The following FRYL variants were observed in gnomAD, a reference collection of about 807,000 sequenced individuals.
The protein encoded by FRYL is FRY like transcription coactivator, also known as protein furry homolog-like.
In FRYL, 150 loss-of-function variants were observed where a neutral mutation model predicts 351.2. That is an observed-to-expected ratio of 0.43 (90% CI 0.37 to 0.49). The LOEUF is 0.49. Ranked by LOEUF, FRYL falls within the 20% of genes least tolerant of loss-of-function variation. The pLI is 0.00. For missense variants in FRYL, 3,036 were observed against 3,619.3 expected (o/e 0.84, Z 4.13); for synonymous variants, 1,153 against 1,257.1 (o/e 0.92, Z 1.75).
At chr4:48,650,230 A>G (rs1482221904) in intron 3 of FRYL, among the ~76,000 whole-genome samples, 1 of 152,190 alleles carries the variant, frequency 6.6e-6, no homozygotes, top group Non-Finnish European at 1.5e-5. Context: ...CAAATTATAA[A>G]AGGGGTCATA....
At chr4:48,544,055 T>G in intron 43 of FRYL, 58 bp from the exon 44 acceptor site, 2 of 1,443,464 alleles carry the variant, frequency 1.4e-6, no homozygotes, top group Non-Finnish European at 1.9e-6. Flanking sequence ...CTAATGGGGT[T>G]ATAATCAGAA....
intron 2 of FRYL, among the ~76,000 whole-genome samples, chr4:48,691,336 A>G (rs1765657364): frequency 6.6e-6 from 1 of 152,204 alleles, no homozygotes; most frequent in Non-Finnish European, 1.5e-5. Context: ...AAGAACAAAA[A>G]GGACCAGTTG....
chr4:48,545,138 A>G (rs1731056189), intron 42 of FRYL, among the ~76,000 whole-genome samples: 1 of 152,212 alleles, frequency 6.6e-6, no homozygotes, highest in South Asian at 2.1e-4. Flanking sequence ...GTAGTAGAAA[A>G]AGATGCCAAA....
chr4:48,666,211 C>A (rs1048906450), intron 3 of FRYL, among the ~76,000 whole-genome samples: 2 of 151,774 alleles, frequency 1.3e-5, no homozygotes, highest in African/African-American at 4.8e-5. Context: ...AAATAAAAAA[C>A]CAAAAATTAG....
intron 3 of FRYL, among the ~76,000 whole-genome samples, chr4:48,657,052 T>C (rs923826464): frequency 1.3e-5 from 2 of 152,200 alleles, no homozygotes; most frequent in African/African-American, 4.8e-5. Context: ...ACTTTTATCA[T>C]CCAGTTTAGC....
rs767805470 is a variant in FRYL at position 48,718,254 on chromosome 4, T to A, written c.-383-7556A>T. On this transcript the variant is annotated intron_variant, in intron 1 of 63. Coordinates refer to ENST00000358350, the MANE Select transcript of FRYL (RefSeq NM_015030.2). ...AAAAATGAGTGCAAAAACAAAATGC[T>A]TTGTCTCTAAACATTAAATCATGTA... Among the ~76,000 whole-genome samples the A allele has an allele frequency of 1.3e-5, 2 of 151,660 alleles. 1 individual carries two copies. Among genetic ancestry groups the A allele is most frequent in the Non-Finnish European group, 2.9e-5 (2 of 67,872 alleles).
In FRYL at chr4:48,693,783, T is replaced by A. The variant is rs1765879945; in HGVS notation, c.-203-8988A>T. 5.3e-5 allele frequency among the ~76,000 whole-genome samples: 8 copies of A among 152,334 alleles called. No individual in the cohort carries two copies. The South Asian group carries it at 1.7e-3, about 32-fold the overall frequency. On this transcript the variant is annotated intron_variant, in intron 2 of 63. Transcript: ENST00000358350. The stretch of plus-strand genomic sequence containing the variant: ...CCATGGCTTCAGCATACCATGCTGA[T>A]TCTCCAAAACAATATTAGTATTTAT...
intron 7 of FRYL, 34 bp from the exon 8 acceptor site, chr4:48,609,857 A>G: frequency 8.3e-7 from 1 of 1,207,738 alleles, no homozygotes; most frequent in Non-Finnish European, 1.2e-6. Flanking sequence ...GTAAGAGTTA[A>G]ATTATTGGTT....
chr4:48,551,134 C>T (rs1477800133), intron 37 of FRYL, among the ~76,000 whole-genome samples: 1 of 151,802 alleles, frequency 6.6e-6, no homozygotes, highest in African/African-American at 2.4e-5. Context: ...ACATTAATTT[C>T]CACCTTATAA....
Position 48,499,499 on chromosome 4 carries a change from A to C in FRYL, c.8965T>G (p.Ser2989Ala). The C allele has an allele frequency of 6.2e-7, 1 of 1,613,582 alleles. No individual in the cohort carries two copies. Among genetic ancestry groups the C allele is most frequent in the African/African-American group, 1.3e-5 (1 of 74,908 alleles). ...TGGTATGATTGCACCATGCGTAGAGACTCTCTTATTTCCAGATTAAGTTCC... is the reference window on the plus strand; with the variant it reads ...TGGTATGATTGCACCATGCGTAGAGCCTCTCTTATTTCCAGATTAAGTTCC... ...LMELNLEIRE[S>A]LRMVQSYQLL... Residue 2989 changes from serine (S) to alanine (A), a missense_variant, in exon 64 of 64, where the codon TCT becomes GCT. Around this residue, in one of 7 missense-constraint regions of FRYL, gnomAD observed 1,987 missense variants for 2,311.7 expected, o/e 0.86. Transcript: ENST00000358350.
In FRYL at chr4:48,620,791, G is replaced by C; in HGVS notation, c.175-13C>G. The C allele has an allele frequency of 2.5e-6, 4 of 1,603,074 alleles. No individual in the cohort carries two copies. Among genetic ancestry groups the C allele is most frequent in the Non-Finnish European group, 3.4e-6 (4 of 1,172,028 alleles). On this transcript the variant is annotated splice_polypyrimidine_tract_variant and intron_variant, in intron 5 of 63. Transcript: ENST00000358350. ...TAGAGCTTATCAACTGAAAACACAA[G>C]ATATTACCAGAAAATAAATTGTAAC...
chr4:48,706,187 TC>T lies in FRYL; in HGVS notation c.-204+4331del, dbSNP rs1395667301. 1.7e-4 allele frequency among the ~76,000 whole-genome samples: 26 copies of T among 152,316 alleles called. 1 individual carries two copies. The highest frequency in any genetic ancestry group is 6.3e-4 in the African/African-American group (26 of 41,572). ...AAAGACTTGATTCTAGGAATAGAAT[TC>T]AGCTGAATACCTTGTTCCTAGCATC... On this transcript the variant is annotated intron_variant, in intron 2 of 63. Transcript: ENST00000358350.
At chr4:48,571,946 A>G in intron 26 of FRYL, 10 of 985,332 alleles carry the variant, frequency 1.0e-5, no homozygotes, top group Non-Finnish European at 1.2e-5. Context: ...TCAATCTCAC[A>G]TTTCTCTAAC....
chr4:48,503,589 CGAG>C (rs1469555979), intron 60 of FRYL, among the ~76,000 whole-genome samples: 1 of 152,176 alleles, frequency 6.6e-6, no homozygotes, highest in African/African-American at 2.4e-5. Flanking sequence ...TGGTCTCTTA[CGAG>C]GAGAATGACT....
rs143946703 is a variant in FRYL at position 48,590,904 on chromosome 4, A to G, written c.1336-74T>C. On this transcript the variant is annotated intron_variant, in intron 16 of 63. Coordinates refer to ENST00000358350, the MANE Select transcript of FRYL (RefSeq NM_015030.2). ...CTTTTTTGCATGTTAGAAATATTTCATCAGTAACATCAGAGTTGGGGGGTG... is the reference window on the plus strand; with the variant it reads ...CTTTTTTGCATGTTAGAAATATTTCGTCAGTAACATCAGAGTTGGGGGGTG... 1,133 of 1,116,880 alleles carry G rather than the reference A, an allele frequency of 1.0e-3. 9 individuals carry two copies. In the African/African-American group the frequency reaches 0.015, roughly 14 times the overall value. 69.2% of individuals were successfully genotyped at this position (1,116,880 alleles called of 1,614,324 possible).
chr4:48,526,365 A>C (rs576765148), intron 53 of FRYL, among the ~76,000 whole-genome samples: 2 of 152,348 alleles, frequency 1.3e-5, no homozygotes, highest in East Asian at 3.9e-4. Flanking sequence ...AACTGAGCTC[A>C]GCTACAGAAA....
intron 35 of FRYL, 114 bp downstream of exon 35, chr4:48,556,864 C>T: frequency 8.4e-6 from 7 of 829,116 alleles, no homozygotes; most frequent in Non-Finnish European, 1.3e-5. Flanking sequence ...TGTCTTCATC[C>T]CGGCCCTTGC....
rs530320712 is a variant in FRYL at position 48,510,330 on chromosome 4, T to C, written c.8296-173A>G. 5.3e-5 allele frequency among the ~76,000 whole-genome samples: 8 copies of C among 152,172 alleles called. No individual in the cohort carries two copies. In the South Asian group the frequency reaches 1.7e-3, roughly 32 times the overall value. ...AGCTCTCACTGGAACAGAGTAGGAGTGCAGTGGGACTTGAGGAGGGTCAGG... is the reference window on the plus strand; with the variant it reads ...AGCTCTCACTGGAACAGAGTAGGAGCGCAGTGGGACTTGAGGAGGGTCAGG... On this transcript the variant is annotated intron_variant, in intron 58 of 63. Coordinates refer to ENST00000358350, the MANE Select transcript of FRYL (RefSeq NM_015030.2).
At chr4:48,761,146 A>G (rs9998178) in intron 1 of FRYL, among the ~76,000 whole-genome samples, 150,408 of 152,180 alleles carry the variant, frequency 0.99, 74,349 homozygotes, top group East Asian at 1. Context: ...AGATCCCTGT[A>G]TATAATTTTG....
Sources: allele counts gnomAD v4.1 joint callset (sites outside exome capture counted in the v4.1 genomes callset), GRCh38; gene constraint gnomAD v4.1.1; regional missense constraint gnomAD v4.1.1; transcripts MANE v1.5; gene names NCBI Gene and HGNC (gene_info 2026-07-23, HGNC 2026-07-21).